Variants in MCF2L2 observed in about 807,000 individuals in gnomAD.
MCF2L2 encodes probable guanine nucleotide exchange factor MCF2L2.
Under a neutral mutation model 150.2 loss-of-function variants are expected in MCF2L2, and 102 were observed. That is an observed-to-expected ratio of 0.68 (90% CI 0.58 to 0.80). The LOEUF is 0.80. MCF2L2 is among the 30% of genes least tolerant of loss of function. The pLI, the probability that MCF2L2 is intolerant of heterozygous loss-of-function variation, is 0.00. For missense variants in MCF2L2, 1,256 were observed against 1,372.8 expected (o/e 0.91, Z 1.34); for synonymous variants, 465 against 491.3 (o/e 0.95, Z 0.71).
Position 183,313,739 on chromosome 3 carries a change from A to G in MCF2L2, c.754-1967T>C, listed in dbSNP as rs947483099. ...AACTCAGGGCACTATCTTCCAGAAC[A>G]TGTGTATAAGTTCATGCTCCCTTTC... On this transcript the variant is annotated intron_variant, in intron 7 of 29. Coordinates refer to ENST00000328913, the MANE Select transcript of MCF2L2 (RefSeq NM_015078.4). 2.0e-5 allele frequency among the ~76,000 whole-genome samples: 3 copies of G among 152,148 alleles called. No individual in the cohort carries two copies. In the East Asian group the frequency reaches 5.8e-4, roughly 29 times the overall value.
chr3:183,294,933 T>A (rs1034770796), intron 13 of MCF2L2, among the ~76,000 whole-genome samples: 7 of 151,100 alleles, frequency 4.6e-5, no homozygotes, highest in African/African-American at 1.7e-4. Context: ...CAGCCTAATT[T>A]TTCTATTTTT....
In MCF2L2 at chr3:183,207,602, C is replaced by A. The variant is rs1461308037; in HGVS notation, c.2712+6G>T. ...CGACTCCCAGATGCAATAGGACTCC[C>A]TTTACCTTCATGGTCTTCTTGAAGC... On this transcript the variant is annotated splice_donor_region_variant and intron_variant, in intron 23 of 29. Coordinates refer to ENST00000328913, the MANE Select transcript of MCF2L2 (RefSeq NM_015078.4). 3 of 1,608,740 alleles carry A rather than the reference C, an allele frequency of 1.9e-6. No homozygotes were observed. Among genetic ancestry groups the A allele is most frequent in the Non-Finnish European group, 2.6e-6 (3 of 1,175,204 alleles).
At chr3:183,401,439 GGTTTTTAA>G (rs937251035) in intron 1 of MCF2L2, among the ~76,000 whole-genome samples, 22 of 152,070 alleles carry the variant, frequency 1.4e-4, no homozygotes, top group African/African-American at 4.6e-4. Context: ...TTTTTTTAAA[GGTTTTTAA>G]CTTAATTTGG....
At chr3:183,228,397 G>A in intron 17 of MCF2L2, 31 bp from the exon 18 acceptor site, 1 of 1,487,446 alleles carries the variant, frequency 6.7e-7, no homozygotes. Flanking sequence ...AAGTAATAAT[G>A]TTTTGATTTT....
intron 3 of MCF2L2, among the ~76,000 whole-genome samples, chr3:183,343,710 T>C (rs1019585053): frequency 4.6e-5 from 7 of 152,160 alleles, no homozygotes; most frequent in Admixed American, 4.6e-4. Context: ...TAGAGAGTTA[T>C]GTAAATGTTA....
chr3:183,249,692 A>T (rs895695192), intron 15 of MCF2L2, among the ~76,000 whole-genome samples: 1 of 152,224 alleles, frequency 6.6e-6, no homozygotes, highest in African/African-American at 2.4e-5. Flanking sequence ...GCCAGGCCAT[A>T]GAAGCAGTAG....
At chr3:183,315,545 AATACTTCTAACT>A (rs1729570158) in intron 7 of MCF2L2, among the ~76,000 whole-genome samples, 1 of 152,200 alleles carries the variant, frequency 6.6e-6, no homozygotes. Context: ...AATGTCAAAT[AATACTTCTAACT>A]ATGTGGCCTC....
At chr3:183,208,804 T>G (rs553641427) in intron 22 of MCF2L2, among the ~76,000 whole-genome samples, 5 of 152,336 alleles carry the variant, frequency 3.3e-5, no homozygotes, top group African/African-American at 1.2e-4. Flanking sequence ...CATAATTGAT[T>G]GGGCATTTTT....
intron 13 of MCF2L2, among the ~76,000 whole-genome samples, chr3:183,290,723 G>A (rs1029464082): frequency 3.9e-5 from 6 of 152,162 alleles, no homozygotes; most frequent in African/African-American, 7.2e-5. Flanking sequence ...TAGTAGCGAC[G>A]GAGTTTTACC....
intron 25 of MCF2L2, among the ~76,000 whole-genome samples, chr3:183,196,049 C>T (rs1280571351): frequency 2.6e-5 from 4 of 152,204 alleles, no homozygotes; most frequent in Non-Finnish European, 5.9e-5. Context: ...AGTCTCCCTT[C>T]ACCTCTAGAT....
intron 15 of MCF2L2, among the ~76,000 whole-genome samples, chr3:183,264,761 A>T (rs1221071330): frequency 1.3e-5 from 2 of 152,222 alleles, no homozygotes; most frequent in East Asian, 3.8e-4. Flanking sequence ...GGATTATTGC[A>T]GGGAAACTTG....
At chr3:183,276,841 GC>G in intron 15 of MCF2L2, 30 bp downstream of exon 15, 1 of 1,534,594 alleles carries the variant, frequency 6.5e-7, no homozygotes, top group Non-Finnish European at 8.9e-7. Flanking sequence ...GCACCCCCTC[GC>G]CCCCTGCACC....
At chr3:183,317,546 T>C (rs1202256632) in intron 7 of MCF2L2, among the ~76,000 whole-genome samples, 1 of 152,126 alleles carries the variant, frequency 6.6e-6, no homozygotes, top group Admixed American at 6.5e-5. Flanking sequence ...CCGTAGTCCT[T>C]TTTCTCAAAT....
At chr3:183,313,098 A>G (rs898812706) in intron 7 of MCF2L2, among the ~76,000 whole-genome samples, 1 of 152,238 alleles carries the variant, frequency 6.6e-6, no homozygotes, top group African/African-American at 2.4e-5. Flanking sequence ...CAGGTTGCAG[A>G]TGAATAAAGA....
chr3:183,187,559 C>T (rs1576906712), intron 27 of MCF2L2, among the ~76,000 whole-genome samples: 1 of 152,148 alleles, frequency 6.6e-6, no homozygotes. Context: ...ACCTCCGCTT[C>T]CTGAGTCCAA....
intron 1 of MCF2L2, among the ~76,000 whole-genome samples, chr3:183,403,808 G>C (rs900304021): frequency 6.6e-6 from 1 of 152,206 alleles, no homozygotes; most frequent in South Asian, 2.1e-4. Flanking sequence ...GTATAGTATG[G>C]GAAAGGAAAG....
At chr3:183,206,007 G>T in intron 24 of MCF2L2, 53 bp from the exon 25 acceptor site, 1 of 1,567,560 alleles carries the variant, frequency 6.4e-7, no homozygotes, top group Non-Finnish European at 8.8e-7. Flanking sequence ...ATTAATTGCA[G>T]AGTTTTTATT....
At chr3:183,200,441 T>C in intron 25 of MCF2L2, among the ~76,000 whole-genome samples, 1 of 152,384 alleles carries the variant, frequency 6.6e-6, no homozygotes. Flanking sequence ...GAAGTGACCG[T>C]TCATATCTTT....
chr3:183,421,921 CAT>C (rs1366065841), intron 1 of MCF2L2, among the ~76,000 whole-genome samples: 1 of 152,170 alleles, frequency 6.6e-6, no homozygotes, highest in Non-Finnish European at 1.5e-5. Context: ...TGGTTGTGCC[CAT>C]AGTCTGTGTG....
Sources: gnomAD v4.1 joint callset for allele counts (sites outside exome capture counted in the v4.1 genomes callset) on GRCh38, gnomAD v4.1.1 for gene constraint, MANE v1.5 for transcripts, NCBI Gene and HGNC (gene_info 2026-07-23, HGNC 2026-07-21) for gene names.